PDGFD: variants seen among roughly 807,000 people sequenced by gnomAD.
PDGFD encodes platelet derived growth factor D, also known as platelet-derived growth factor D.
A neutral mutation model predicts 44.7 loss-of-function variants in PDGFD; 30 were observed. The observed-to-expected ratio is 0.67, with a 90% confidence interval of 0.50 to 0.91. PDGFD has a LOEUF of 0.91. PDGFD is among the 40% of genes least tolerant of loss of function. The pLI is 0.00. For synonymous variants in PDGFD, 173 were observed against 168.4 expected (o/e 1.03, Z -0.21); for missense variants, 445 against 457.8 (o/e 0.97, Z 0.25).
Position 104,043,297 on chromosome 11 carries a change from C to G in PDGFD, c.125-43042G>C, listed in dbSNP as rs1168074574. 2.0e-5 allele frequency among the ~76,000 whole-genome samples: 3 copies of G among 152,168 alleles called. No individual in the cohort carries two copies. The East Asian group carries it at 5.8e-4, about 29-fold the overall frequency. On this transcript the variant is annotated intron_variant, in intron 1 of 6. Coordinates refer to ENST00000393158, the MANE Select transcript of PDGFD (RefSeq NM_025208.5). Reference sequence around the variant, plus strand: ...GGTGATGGATTTCTTCACGCAGCCACCAACTTCTGGTGCTAAACTGGTGTT... The same window carrying G: ...GGTGATGGATTTCTTCACGCAGCCAGCAACTTCTGGTGCTAAACTGGTGTT...
At chr11:104,087,500 C>T (rs1019401613) in intron 1 of PDGFD, among the ~76,000 whole-genome samples, 6 of 152,136 alleles carry the variant, frequency 3.9e-5, no homozygotes, top group African/African-American at 1.4e-4. Flanking sequence ...AGCAACTGAG[C>T]CACCGTGCCC....
intron 3 of PDGFD, among the ~76,000 whole-genome samples, chr11:103,975,610 T>G (rs375752305): frequency 2.6e-5 from 4 of 151,844 alleles, no homozygotes; most frequent in African/African-American, 7.2e-5. Context: ...TCTTCTAGGT[T>G]TTAGGTTTTA....
chr11:104,037,014 C>T (rs111318551), intron 1 of PDGFD: 19 of 1,614,224 alleles, frequency 1.2e-5, no homozygotes, highest in Admixed American at 1.7e-5. Flanking sequence ...TGGGCTCCTA[C>T]GGCCTCAAAG....
chr11:103,964,858 T>C (rs752616305), intron 3 of PDGFD, among the ~76,000 whole-genome samples: 2 of 151,974 alleles, frequency 1.3e-5, no homozygotes, highest in Non-Finnish European at 2.9e-5. Flanking sequence ...CTCTGAGCTA[T>C]TAGATAGTTG....
intron 1 of PDGFD, among the ~76,000 whole-genome samples, chr11:104,032,208 T>C (rs1454792324): frequency 6.6e-6 from 1 of 151,926 alleles, no homozygotes; most frequent in Non-Finnish European, 1.5e-5. Context: ...AAATAATGAA[T>C]AAATAAATAA....
intron 6 of PDGFD, among the ~76,000 whole-genome samples, chr11:103,911,342 G>A (rs529257470): frequency 5.3e-5 from 8 of 152,278 alleles, no homozygotes; most frequent in African/African-American, 1.9e-4. Context: ...ACAGGGTCTG[G>A]AGTGGACCTC....
intron 1 of PDGFD, chr11:104,037,863 T>C: frequency 6.2e-7 from 1 of 1,614,110 alleles, no homozygotes; most frequent in Non-Finnish European, 8.5e-7. Flanking sequence ...TGAAGAAAAA[T>C]GTGCTGGTCA....
chr11:104,128,366 G>C (rs1861869370), intron 1 of PDGFD, among the ~76,000 whole-genome samples: 1 of 152,142 alleles, frequency 6.6e-6, no homozygotes, highest in Non-Finnish European at 1.5e-5. Context: ...CCCAAACACA[G>C]CTCCACCTAC....
chr11:104,050,452 C>T (rs1860516088), intron 1 of PDGFD, among the ~76,000 whole-genome samples: 1 of 152,160 alleles, frequency 6.6e-6, no homozygotes, highest in South Asian at 2.1e-4. Flanking sequence ...TGAGATTCTA[C>T]TCTAAAACAT....
intron 1 of PDGFD, among the ~76,000 whole-genome samples, chr11:104,071,373 T>G (rs1438814974): frequency 6.6e-6 from 1 of 151,392 alleles, no homozygotes; most frequent in African/African-American, 2.4e-5. Flanking sequence ...GTATATATAT[T>G]TGTGTGTGCA....
chr11:103,955,934 ATCAAT>A (rs1256545119), intron 3 of PDGFD, among the ~76,000 whole-genome samples: 2 of 152,190 alleles, frequency 1.3e-5, no homozygotes, highest in African/African-American at 4.8e-5. Flanking sequence ...GGATTCATTA[ATCAAT>A]CATCCACGTA....
intron 1 of PDGFD, among the ~76,000 whole-genome samples, chr11:104,149,052 G>A (rs1862207188): frequency 6.6e-6 from 1 of 151,920 alleles, no homozygotes. Context: ...ATGTCTTTTG[G>A]ACAATGATGG....
At chr11:103,937,052 C>T (rs117895721) in intron 5 of PDGFD, among the ~76,000 whole-genome samples, 5,918 of 152,096 alleles carry the variant, frequency 0.039, 352 homozygotes, top group East Asian at 0.23. Context: ...TCTCTCACTC[C>T]TGGGCTCAAG....
chr11:103,977,843 T>C (rs1473943199), intron 3 of PDGFD, among the ~76,000 whole-genome samples: 1 of 152,068 alleles, frequency 6.6e-6, no homozygotes, highest in Non-Finnish European at 1.5e-5. Context: ...TTTAGAAATA[T>C]GGTTGCTAAG....
chr11:104,052,356 A>G (rs999398414), intron 1 of PDGFD, among the ~76,000 whole-genome samples: 2 of 138,090 alleles, frequency 1.4e-5, no homozygotes, highest in Admixed American at 7.2e-5. Flanking sequence ...TCTTTAAAAA[A>G]GAAGAGCAGT....
chr11:104,022,140 G>T (rs1160594061), intron 1 of PDGFD, among the ~76,000 whole-genome samples: 1 of 152,130 alleles, frequency 6.6e-6, no homozygotes. Context: ...CGAAAGAGTA[G>T]GGATTTTAAC....
intron 1 of PDGFD, among the ~76,000 whole-genome samples, chr11:104,028,310 A>G (rs1203741202): frequency 1.3e-5 from 2 of 151,950 alleles, no homozygotes; most frequent in African/African-American, 4.8e-5. Flanking sequence ...GGGTGATCTT[A>G]CCTAACACTA....
intron 1 of PDGFD, among the ~76,000 whole-genome samples, chr11:104,079,124 T>C (rs1052470038): frequency 3.3e-5 from 5 of 152,146 alleles, no homozygotes; most frequent in South Asian, 2.1e-4. Context: ...AAAAACATAT[T>C]TGGTGAATTC....
chr11:103,950,540 G>A lies in PDGFD; in HGVS notation c.511-2816C>T, dbSNP rs181652537. Among the ~76,000 whole-genome samples the A allele has an allele frequency of 5.0e-5, 7 of 140,680 alleles. No homozygotes were observed. In the East Asian group the frequency reaches 1.5e-3, roughly 31 times the overall value. The allele number at this position is 140,680 out of a possible 152,430, so 92.3% of individuals were successfully genotyped here. ...ATTGCACCATTGCACTCCAGCCTTG[G>A]CAACAAGAGCGAAACTCTGTCTCAA... On this transcript the variant is annotated intron_variant, in intron 3 of 6. Transcript: ENST00000393158.
Sources: allele counts gnomAD v4.1 joint callset (sites outside exome capture counted in the v4.1 genomes callset), GRCh38; gene constraint gnomAD v4.1.1; transcripts MANE v1.5; gene names NCBI Gene and HGNC (gene_info 2026-07-23, HGNC 2026-07-21).